RCOR3: variants seen among roughly 807,000 people sequenced by gnomAD.
RCOR3 encodes the protein REST corepressor 3.
A neutral mutation model predicts 64.1 loss-of-function variants in RCOR3; 13 were observed. That is an observed-to-expected ratio of 0.20 (90% confidence interval 0.13 to 0.32). The LOEUF (loss-of-function observed/expected upper bound fraction) is 0.32. Ranked by LOEUF, RCOR3 falls within the 10% of genes least tolerant of loss-of-function variation. RCOR3 has a pLI of 1.00. For synonymous variants in RCOR3, 215 were observed against 239.0 expected (o/e 0.90, Z 0.93); for missense variants, 489 against 701.2 (o/e 0.70, Z 3.42).
rs1281954061 is a variant in RCOR3, at chr1:211,312,605, A to G, written c.1076-115A>G. 2 of 765,762 alleles carry G rather than the reference A, an allele frequency of 2.6e-6. No homozygotes were observed. The highest frequency in any genetic ancestry group is 4.9e-5 in the East Asian group (2 of 40,906). 47.4% of individuals were successfully genotyped at this position (765,762 alleles called of 1,614,324 possible). A position where few individuals can be genotyped will look rare whatever the true frequency, so the allele number is the denominator to read the frequency against. On this transcript the variant is annotated intron_variant, in intron 10 of 11. Transcript: ENST00000419091. This position sits in a 1 kb window ranked among gnomAD's most constrained non-coding sequence, Gnocchi z 5.0. ...TCTATCTCAGAATTGAGAAATGAGC[A>G]GAGTTTATCAGAAAGGAATTTCATT...
intron 5 of RCOR3, among the ~76,000 whole-genome samples, chr1:211,277,330 T>C (rs1345508975): frequency 6.6e-6 from 1 of 152,102 alleles, no homozygotes; most frequent in Non-Finnish European, 1.5e-5. Context: ...GTGTCTTCCA[T>C]AATGGAAGAG....
intron 1 of RCOR3, 79 bp from the exon 2 acceptor site, chr1:211,260,029 A>AT: frequency 1.6e-6 from 2 of 1,288,230 alleles, no homozygotes; most frequent in Non-Finnish European, 2.0e-6. Flanking sequence ...AGCGATTTTT[A>AT]TTTTTTAAGT....
intron 7 of RCOR3, among the ~76,000 whole-genome samples, chr1:211,281,756 G>C (rs1370378701): frequency 6.6e-6 from 1 of 152,072 alleles, no homozygotes; most frequent in Non-Finnish European, 1.5e-5. Context: ...ACAAGATGTA[G>C]CTTCTCTATG....
intron 8 of RCOR3, among the ~76,000 whole-genome samples, chr1:211,292,742 A>G (rs769028254): frequency 2.6e-5 from 4 of 152,144 alleles, no homozygotes; most frequent in Admixed American, 6.5e-5. Flanking sequence ...TACTGAAGCC[A>G]GTGACCAGTT....
intron 2 of RCOR3, among the ~76,000 whole-genome samples, chr1:211,264,119 T>A (rs1033600004): frequency 1.3e-5 from 2 of 152,140 alleles, no homozygotes; most frequent in South Asian, 4.1e-4. Flanking sequence ...CACCACACCC[T>A]GCCAAAAAGA....
chr1:211,295,632 C>T, intron 8 of RCOR3, 44 bp from the exon 9 acceptor site: 1 of 1,524,658 alleles, frequency 6.6e-7, no homozygotes, highest in East Asian at 2.3e-5. Flanking sequence ...ACAAATTTAC[C>T]TAAGTACGCG....
rs1190791155 is a variant in RCOR3 at position 211,288,524 on chromosome 1, A to T, written c.721-654A>T. Among the ~76,000 whole-genome samples the T allele has an allele frequency of 4.4e-5, 6 of 136,682 alleles. No homozygotes were observed. In the East Asian group the frequency reaches 6.4e-4, roughly 15 times the overall value. 89.7% of individuals were successfully genotyped at this position (136,682 alleles called of 152,430 possible). On this transcript the variant is annotated intron_variant, in intron 7 of 11. Coordinates refer to ENST00000419091, the MANE Select transcript of RCOR3 (RefSeq NM_001136223.3). ...ATTATTTTATAAATATATTTATAAT[A>T]AATTTATAAATTATAAAATTATTTA...
At chr1:211,284,512 TTATTTATTTATTTATG>T (rs921748775) in intron 7 of RCOR3, among the ~76,000 whole-genome samples, 8 of 127,480 alleles carry the variant, frequency 6.3e-5, no homozygotes, top group East Asian at 2.0e-4. Flanking sequence ...CTTTATTTAT[TTATTTATTTATTTATG>T]TATTTATTTA....
At chr1:211,263,405 A>G (rs972064584) in intron 2 of RCOR3, among the ~76,000 whole-genome samples, 2 of 148,026 alleles carry the variant, frequency 1.4e-5, no homozygotes, top group Admixed American at 1.4e-4. Context: ...TACTTTTTTT[A>G]AAGTCATTGA....
chr1:211,259,896 C>G, intron 1 of RCOR3, 170 bp downstream of exon 1: 1 of 1,077,672 alleles, frequency 9.3e-7, no homozygotes, highest in Non-Finnish European at 1.3e-6. Flanking sequence ...CCCCCCGTCC[C>G]TCCGCCCTCG....
rs1558030413 is a variant in RCOR3 at position 211,259,703 on chromosome 1, G to C, written c.143G>C (p.Gly48Ala). 1 of 1,524,390 alleles carries C rather than the reference G, an allele frequency of 6.6e-7. No homozygotes were observed. Among genetic ancestry groups the C allele is most frequent in the Admixed American group, 2.1e-5 (1 of 47,462 alleles). 94.4% of individuals were successfully genotyped at this position (1,524,390 alleles called of 1,614,324 possible). Reference protein sequence around the residue: ...GGLHYSEPESGCSSDDEHDVG... With the variant: ...GGLHYSEPESACSSDDEHDVG... ...CTGCACTACTCAGAGCCCGAGAGCG[G>C]CTGCAGCAGCGACGACGAGCACGGT... The change falls in exon 1 of 12, where the codon GGC becomes GCC. Residue 48 changes from glycine to alanine, a missense_variant. Gly to Ala is a moderately conservative substitution (Grantham distance 60). This residue lies in a region of RCOR3 where 87 missense variants were observed against 84.3 expected (regional missense o/e 1.03). Coordinates refer to ENST00000419091, the MANE Select transcript of RCOR3 (RefSeq NM_001136223.3).
In RCOR3 at chr1:211,305,029, T is replaced by G. The variant is rs141875020; in HGVS notation, c.1075+889T>G. On this transcript the variant is annotated intron_variant, in intron 10 of 11. Transcript: ENST00000419091. ...GATAGTGGGGCCCCAATGAAACATA[T>G]AAGCATACCTTTTAAAATGTTGCCA... is the stretch of plus-strand genomic sequence containing the variant. Among the ~76,000 whole-genome samples the G allele has an allele frequency of 1.6e-4, 25 of 152,240 alleles. No individual in the cohort carries two copies. The East Asian group carries it at 4.6e-3, about 28-fold the overall frequency.
At chr1:211,305,715 C>T (rs1700784643) in intron 10 of RCOR3, among the ~76,000 whole-genome samples, 2 of 152,146 alleles carry the variant, frequency 1.3e-5, no homozygotes, top group African/African-American at 4.8e-5. Context: ...TATTGCTCTA[C>T]AGAGTAATTT....
In RCOR3 at chr1:211,289,558, C is replaced by T. The variant is rs546702083; in HGVS notation, c.939+162C>T. On this transcript the variant is annotated intron_variant, in intron 8 of 11. Transcript: ENST00000419091. ...ATCTTAAGTCCAACTTAGAAGATAC[C>T]TCTGCCTGTTCTAGATTTGAATCCC... 2.0e-4 allele frequency among the ~76,000 whole-genome samples: 30 copies of T among 152,264 alleles called. 1 individual carries two copies. The highest frequency in any genetic ancestry group is 6.5e-4 in the African/African-American group (27 of 41,550).
chr1:211,313,180 T>A lies in RCOR3; in HGVS notation c.1317+219T>A. ...AGAGTGTATTGTTCTTTCATAGTCT[T>A]ATTTTTATTTTCAGTGTTAAGCTGT... On this transcript the variant is annotated intron_variant, in intron 11 of 11. Transcript: ENST00000419091. This position sits in a 1 kb window ranked among gnomAD's most constrained non-coding sequence, Gnocchi z 4.7. The A allele has an allele frequency of 7.0e-7, 1 of 1,436,904 alleles. No homozygotes were observed. The highest frequency in any genetic ancestry group is 9.1e-7 in the Non-Finnish European group (1 of 1,102,280). 89.0% of individuals were successfully genotyped at this position (1,436,904 alleles called of 1,614,324 possible).
intron 7 of RCOR3, among the ~76,000 whole-genome samples, chr1:211,287,384 C>A (rs1698678245): frequency 6.6e-6 from 1 of 152,162 alleles, no homozygotes; most frequent in Non-Finnish European, 1.5e-5. Context: ...TTGATTCTCC[C>A]TCTGGATTCT....
chr1:211,297,229 C>T (rs1303644789), intron 9 of RCOR3, among the ~76,000 whole-genome samples: 2 of 152,106 alleles, frequency 1.3e-5, no homozygotes, highest in Non-Finnish European at 2.9e-5. Context: ...CACTCATTAA[C>T]TTTATATAAA....
At chr1:211,283,413 T>G (rs1243782276) in intron 7 of RCOR3, among the ~76,000 whole-genome samples, 3 of 152,228 alleles carry the variant, frequency 2.0e-5, no homozygotes, top group Non-Finnish European at 2.9e-5. Flanking sequence ...CATTAAACTT[T>G]CCTAGGTAAT....
At chr1:211,273,753 G>A (rs1696567762) in intron 3 of RCOR3, among the ~76,000 whole-genome samples, 1 of 152,134 alleles carries the variant, frequency 6.6e-6, no homozygotes, top group African/African-American at 2.4e-5. Flanking sequence ...ATGTATAGCT[G>A]GCAAAACTAT....
Sources: gnomAD v4.1 joint callset for allele counts (sites outside exome capture counted in the v4.1 genomes callset) on GRCh38, gnomAD v4.1.1 for gene constraint, gnomAD v4.1.1 regional missense constraint, Gnocchi (gnomAD v3.1) non-coding constraint, MANE v1.5 for transcripts, NCBI Gene and HGNC (gene_info 2026-07-23, HGNC 2026-07-21) for gene names.